Variants in SLC35F3 observed in about 807,000 individuals in gnomAD.
SLC35F3 encodes the protein putative thiamine transporter SLC35F3.
In SLC35F3, 25 loss-of-function variants were observed where a neutral mutation model predicts 49.9. The ratio of observed to expected loss-of-function variants is 0.50; its 90% CI spans 0.37 to 0.70. The LOEUF (loss-of-function observed/expected upper bound fraction) is 0.70, where lower values mean the gene tolerates loss of function less well. Among genes scored for constraint, SLC35F3 ranks in the 30% least tolerant of loss-of-function variants. SLC35F3 has a pLI of 0.00. For synonymous variants in SLC35F3, 275 were observed against 265.4 expected, an observed-to-expected ratio of 1.04 and a Z score of -0.35; for missense variants, 525 against 639.8, an observed-to-expected ratio of 0.82 and a Z score of 1.94.
rs566567442 is a variant in SLC35F3, at chr1:233,989,386, G to A, written c.283+83628G>A. ...AAATCCTCAGAAATGTTGACCTTAAGGATGTTATACATTTATGTTTTTCTT... is the reference window on the plus strand; with the variant it reads ...AAATCCTCAGAAATGTTGACCTTAAAGATGTTATACATTTATGTTTTTCTT... On this transcript the variant is annotated intron_variant, in intron 2 of 7. Coordinates refer to ENST00000366618, the MANE Select transcript of SLC35F3 (RefSeq NM_173508.4). 9.2e-5 allele frequency among the ~76,000 whole-genome samples: 14 copies of A among 152,250 alleles called. No homozygotes were observed. In the South Asian group the frequency reaches 2.3e-3, roughly 25 times the overall value.
chr1:234,201,874 C>A (rs1666904333), intron 2 of SLC35F3, among the ~76,000 whole-genome samples: 1 of 146,462 alleles, frequency 6.8e-6, no homozygotes, highest in African/African-American at 2.5e-5. Context: ...GACTGCGCCA[C>A]TGCACTCCAG....
intron 2 of SLC35F3, among the ~76,000 whole-genome samples, chr1:233,979,973 C>G (rs1663153802): frequency 6.6e-6 from 1 of 152,130 alleles, no homozygotes; most frequent in Non-Finnish European, 1.5e-5. Context: ...GGGCTGTCAC[C>G]CCTGCACCTG....
In SLC35F3 at chr1:233,917,853, C is replaced by T. The variant is rs1055066079; in HGVS notation, c.283+12095C>T. Among the ~76,000 whole-genome samples the T allele has an allele frequency of 3.8e-4, 58 of 152,190 alleles. 1 individual carries two copies. The highest frequency in any genetic ancestry group is 1.2e-3 in the African/African-American group (48 of 41,438). On this transcript the variant is annotated intron_variant, in intron 2 of 7. Transcript: ENST00000366618. ...TCTAAGGGGAGTCTCTACATTTATA[C>T]GCTAATAAAAACCAAAATACCCTGG...
intron 2 of SLC35F3, among the ~76,000 whole-genome samples, chr1:234,125,337 G>C (rs1665631383): frequency 6.6e-6 from 1 of 152,146 alleles, no homozygotes; most frequent in Non-Finnish European, 1.5e-5. Flanking sequence ...TAAGCTCCAT[G>C]TCCATTTTGA....
At chr1:233,961,518 G>A (rs58282697) in intron 2 of SLC35F3, among the ~76,000 whole-genome samples, 46 of 148,142 alleles carry the variant, frequency 3.1e-4, no homozygotes, top group Middle Eastern at 3.4e-3. Context: ...GGGCTATGGC[G>A]TGATCTCGGC....
chr1:234,222,553 C>G (rs1054860459), intron 2 of SLC35F3, among the ~76,000 whole-genome samples: 3 of 152,178 alleles, frequency 2.0e-5, no homozygotes, highest in Non-Finnish European at 2.9e-5. Context: ...CTCCCCCATC[C>G]CCCCATAGCT....
intron 2 of SLC35F3, among the ~76,000 whole-genome samples, chr1:233,948,173 G>A (rs1000295452): frequency 1.3e-5 from 2 of 150,782 alleles, no homozygotes; most frequent in African/African-American, 4.9e-5. Context: ...ATACTCCCTG[G>A]AACGGTAAGA....
At chr1:234,207,690 A>T in intron 2 of SLC35F3, among the ~76,000 whole-genome samples, 1 of 152,076 alleles carries the variant, frequency 6.6e-6, no homozygotes, top group East Asian at 1.9e-4. Flanking sequence ...ATAAAAGTAG[A>T]GTTGCTTTGC....
intron 2 of SLC35F3, among the ~76,000 whole-genome samples, chr1:233,963,309 T>C (rs1662836728): frequency 6.6e-6 from 1 of 151,462 alleles, no homozygotes; most frequent in Non-Finnish European, 1.5e-5. Context: ...TTTTTTTTTT[T>C]TCTTTTTTTG....
rs544457332 is a variant in SLC35F3 at position 233,911,794 on chromosome 1, G to A, written c.283+6036G>A. On this transcript the variant is annotated intron_variant, in intron 2 of 7. Transcript: ENST00000366618. ...CTAGAGCAGGTGAAATCTGAAGTACGCATATGGTGGTGATGGGGAAATGGC... is the reference window on the plus strand; with the variant it reads ...CTAGAGCAGGTGAAATCTGAAGTACACATATGGTGGTGATGGGGAAATGGC... Among the ~76,000 whole-genome samples the A allele has an allele frequency of 2.7e-4, 41 of 152,276 alleles. 1 individual carries two copies. In the South Asian group the frequency reaches 7.9e-3, roughly 29 times the overall value.
intron 2 of SLC35F3, among the ~76,000 whole-genome samples, chr1:234,174,773 T>A (rs1408223691): frequency 1.3e-5 from 2 of 152,296 alleles, no homozygotes; most frequent in South Asian, 2.1e-4. Context: ...TCTTGGAAAA[T>A]GTTTGTGTGA....
intron 4 of SLC35F3, among the ~76,000 whole-genome samples, chr1:234,313,282 G>T (rs1054306853): frequency 6.6e-6 from 1 of 152,166 alleles, no homozygotes; most frequent in African/African-American, 2.4e-5. Context: ...AAAGCTCAAA[G>T]GTTTCTGTTG....
intron 3 of SLC35F3, among the ~76,000 whole-genome samples, chr1:234,269,710 G>C (rs1396201723): frequency 1.3e-5 from 2 of 152,222 alleles, no homozygotes; most frequent in Non-Finnish European, 2.9e-5. Flanking sequence ...ATTCTGGGTT[G>C]TGTGAGTTGT....
intron 2 of SLC35F3, among the ~76,000 whole-genome samples, chr1:234,126,494 T>TGTGTGTGTGTGTGTGTGTG (rs1553307646): frequency 3.3e-5 from 5 of 152,252 alleles, no homozygotes; most frequent in Admixed American, 6.5e-5. Flanking sequence ...TGTGTGTGTA[T>TGTGTGTGTGTGTGTGTGTG]TTAGTTCTAC....
intron 2 of SLC35F3, among the ~76,000 whole-genome samples, chr1:233,994,474 C>T (rs1186205348): frequency 6.6e-6 from 1 of 152,062 alleles, no homozygotes; most frequent in Non-Finnish European, 1.5e-5. Flanking sequence ...GTGTATCAGC[C>T]AATCCTCCTG....
At chr1:234,253,456 T>TA (rs1667768989) in intron 3 of SLC35F3, among the ~76,000 whole-genome samples, 3 of 11,890 alleles carry the variant, frequency 2.5e-4, no homozygotes, top group Admixed American at 1.0e-3. Flanking sequence ...CCATTTGAAT[T>TA]TAAAAAAAAA....
chr1:234,043,086 C>T (rs1006679482), intron 2 of SLC35F3, among the ~76,000 whole-genome samples: 8 of 152,122 alleles, frequency 5.3e-5, no homozygotes, highest in African/African-American at 1.4e-4. Flanking sequence ...TTTTGTTGTA[C>T]GTTGCTTCCG....
intron 2 of SLC35F3, among the ~76,000 whole-genome samples, chr1:233,965,071 C>T (rs938965063): frequency 6.6e-6 from 1 of 152,210 alleles, no homozygotes. Flanking sequence ...ATTAGGTCTT[C>T]TAAGCCTTTG....
At chr1:234,301,865 AG>A (rs1217583369) in intron 3 of SLC35F3, among the ~76,000 whole-genome samples, 4 of 152,244 alleles carry the variant, frequency 2.6e-5, no homozygotes. Context: ...AGCCATGAAA[AG>A]AAATAAGAAC....
Sources: allele counts gnomAD v4.1 joint callset (sites outside exome capture counted in the v4.1 genomes callset), GRCh38; gene constraint gnomAD v4.1.1; transcripts MANE v1.5; gene names NCBI Gene and HGNC (gene_info 2026-07-23, HGNC 2026-07-21).